Variants in SIPA1L3 observed in about 807,000 individuals in gnomAD.
SIPA1L3 encodes signal-induced proliferation-associated 1-like protein 3.
SIPA1L3 carries 59 observed loss-of-function variants against 150.1 expected under a neutral mutation model. The observed-to-expected ratio is 0.39, with a 90% CI of 0.32 to 0.49. SIPA1L3 has a LOEUF of 0.49. Ranked by LOEUF, SIPA1L3 falls within the 20% of genes least tolerant of loss-of-function variation. The probability of loss-of-function intolerance (pLI) is 0.86; values close to 1 mark genes in which losing one functional copy is unlikely to be tolerated. For missense variants in SIPA1L3, 2,211 were observed against 2,489.5 expected, an observed-to-expected ratio of 0.89 and a Z score of 2.38; for synonymous variants, 1,070 against 1,077.6, an observed-to-expected ratio of 0.99 and a Z score of 0.14.
intron 1 of SIPA1L3, among the ~76,000 whole-genome samples, chr19:37,990,383 C>T (rs1159383996): frequency 6.6e-6 from 1 of 152,132 alleles, no homozygotes; most frequent in Non-Finnish European, 1.5e-5. Context: ...CTACCTTGAG[C>T]CTATGGGAGG....
At chr19:38,035,357 A>G (rs753776319) in intron 2 of SIPA1L3, among the ~76,000 whole-genome samples, 2 of 152,150 alleles carry the variant, frequency 1.3e-5, no homozygotes, top group Non-Finnish European at 2.9e-5. Context: ...TTACCCTGGT[A>G]TACAGTATGT....
At position 38,082,098 on chromosome 19, in the gene SIPA1L3, A is replaced by T. The variant is rs1314225234; in HGVS notation, c.533A>T (p.Glu178Val). The change falls in exon 3 of 22, where the codon GAG becomes GTG. Residue 178 changes from glutamate (E) to valine (V), a missense_variant. Physicochemically the swap from Glu to Val is moderately radical, Grantham distance 121. This residue lies in a region of SIPA1L3 where 587 missense variants were observed against 534.5 expected (regional missense o/e 1.10). Coordinates refer to ENST00000222345, the MANE Select transcript of SIPA1L3 (RefSeq NM_015073.3). ...HRSSSEITLS[E>V]CDAEDAGEPR... ...AGCAGCAGCGAGATCACCCTCAGCG[A>T]GTGTGACGCGGAGGACGCGGGGGAG... is the stretch of plus-strand genomic sequence containing the variant. 1 of 1,610,148 alleles carries T rather than the reference A, an allele frequency of 6.2e-7. No individual in the cohort carries two copies. Among genetic ancestry groups the T allele is most frequent in the Non-Finnish European group, 8.5e-7 (1 of 1,179,430 alleles).
At chr19:38,122,487 C>G (rs1185606174) in intron 9 of SIPA1L3, among the ~76,000 whole-genome samples, 1 of 152,152 alleles carries the variant, frequency 6.6e-6, no homozygotes, top group Non-Finnish European at 1.5e-5. Flanking sequence ...CTGGTCTCTC[C>G]CGGACACTTT....
chr19:38,181,550 T>C (rs908063893), intron 15 of SIPA1L3, among the ~76,000 whole-genome samples: 9 of 151,494 alleles, frequency 5.9e-5, no homozygotes, highest in Non-Finnish European at 1.0e-4. Flanking sequence ...TGTTTTTGCA[T>C]AGAAAAAGGT....
chr19:38,130,634 G>A lies in SIPA1L3; in HGVS notation c.3005G>A (p.Arg1002Gln), dbSNP rs773391210. The part of the protein sequence containing the change: ...DYGFAWQAGL[R>Q]QGSRLVEICK... ...GGGTTCGCCTGGCAGGCCGGCCTCC[G>A]GCAGGGCAGCCGACTAGTGGAGATC... Residue 1002 changes from arginine to glutamine, a missense_variant, in exon 10 of 22, where the codon CGG (arginine) becomes CAG (glutamine). Coordinates refer to ENST00000222345, the MANE Select transcript of SIPA1L3 (RefSeq NM_015073.3). 9.3e-6 allele frequency: 15 copies of A among 1,613,718 alleles called. 1 individual carries two copies. The highest frequency in any genetic ancestry group is 1.7e-4 in the Middle Eastern group (1 of 6,060).
chr19:38,117,107 A>C (rs1323389376), intron 8 of SIPA1L3, among the ~76,000 whole-genome samples: 1 of 152,166 alleles, frequency 6.6e-6, no homozygotes, highest in Non-Finnish European at 1.5e-5. Context: ...ATGGGTTGAG[A>C]GCCTGGTTAC....
At chr19:38,044,083 G>T (rs562572980) in intron 2 of SIPA1L3, among the ~76,000 whole-genome samples, 17 of 152,330 alleles carry the variant, frequency 1.1e-4, no homozygotes, top group African/African-American at 3.6e-4. Context: ...GGATGTAGGG[G>T]TGAGAGAAAG....
chr19:37,996,018 A>G (rs561595628), intron 1 of SIPA1L3, among the ~76,000 whole-genome samples: 1 of 152,120 alleles, frequency 6.6e-6, no homozygotes, highest in African/African-American at 2.4e-5. Context: ...GGCCTCAAGC[A>G]GTCTTCCCAC....
At chr19:38,100,902 A>G in intron 5 of SIPA1L3, 150 bp from the exon 6 acceptor site, 1 of 833,086 alleles carries the variant, frequency 1.2e-6, no homozygotes, top group East Asian at 3.2e-5. Context: ...GCCATGCCCC[A>G]ACACTGTTTT....
intron 1 of SIPA1L3, chr19:37,964,840 G>A (rs1173334775): frequency 6.6e-6 from 1 of 152,072 alleles, no homozygotes; most frequent in Non-Finnish European, 1.5e-5. Flanking sequence ...ATAGACTCGG[G>A]GAACCTTGAA....
At chr19:38,179,498 G>A in intron 15 of SIPA1L3, among the ~76,000 whole-genome samples, 1 of 152,104 alleles carries the variant, frequency 6.6e-6, no homozygotes, top group East Asian at 1.9e-4. Flanking sequence ...TTCTACTCTT[G>A]TGTAACTATC....
chr19:37,992,061 C>CCTCGTGGGAGGCAGTGT (rs33980084), intron 1 of SIPA1L3, among the ~76,000 whole-genome samples: 123 of 8,348 alleles, frequency 0.015, 3 homozygotes, highest in Admixed American at 0.14. Flanking sequence ...AGACAGGCAT[C>CCTCGTGGGAGGCAGTGT]CACGTGGCTA....
chr19:37,935,750 T>C (rs1338228861), intron 1 of SIPA1L3, among the ~76,000 whole-genome samples: 1 of 152,220 alleles, frequency 6.6e-6, no homozygotes, highest in African/African-American at 2.4e-5. Context: ...ACACGGCAGC[T>C]GAGGGCTTTT....
At chr19:38,064,931 A>C (rs1471060444) in intron 2 of SIPA1L3, among the ~76,000 whole-genome samples, 6 of 152,226 alleles carry the variant, frequency 3.9e-5, no homozygotes, top group African/African-American at 9.6e-5. Flanking sequence ...CTTTGCTTCT[A>C]TCCACTCTGC....
intron 1 of SIPA1L3, among the ~76,000 whole-genome samples, chr19:38,017,342 G>C (rs533226971): frequency 6.6e-6 from 1 of 152,200 alleles, no homozygotes; most frequent in South Asian, 2.1e-4. Context: ...AATCAGTTTG[G>C]AAAAACCGAT....
At chr19:38,010,712 A>AAAAAC (rs1362405911) in intron 1 of SIPA1L3, among the ~76,000 whole-genome samples, 1 of 152,164 alleles carries the variant, frequency 6.6e-6, no homozygotes, top group African/African-American at 2.4e-5. Context: ...ACTCTGTCTA[A>AAAAAC]AAAACAAAAC....
At chr19:38,095,454 G>T (rs539916926) in intron 4 of SIPA1L3, among the ~76,000 whole-genome samples, 1 of 152,180 alleles carries the variant, frequency 6.6e-6, no homozygotes, top group South Asian at 2.1e-4. Context: ...CGGGGAGTAC[G>T]TCTGAGTCAG....
intron 2 of SIPA1L3, among the ~76,000 whole-genome samples, chr19:38,057,038 G>A (rs551395889): frequency 1.6e-4 from 24 of 152,196 alleles, no homozygotes; most frequent in South Asian, 4.2e-4. Context: ...CTGGGAAGCC[G>A]AGGTGGTGGA....
chr19:38,136,473 A>C (rs1291908495), intron 10 of SIPA1L3, among the ~76,000 whole-genome samples: 1 of 151,996 alleles, frequency 6.6e-6, no homozygotes, highest in Non-Finnish European at 1.5e-5. Context: ...GCATGGTGGC[A>C]GGCGCCTGTA....
Sources: allele counts gnomAD v4.1 joint callset (sites outside exome capture counted in the v4.1 genomes callset), GRCh38; gene constraint gnomAD v4.1.1; regional missense constraint gnomAD v4.1.1; transcripts MANE v1.5; gene names NCBI Gene and HGNC (gene_info 2026-07-23, HGNC 2026-07-21).